RCL1: variants seen among roughly 807,000 people sequenced by gnomAD.
RCL1 encodes the protein RNA terminal phosphate cyclase like 1.
Under a neutral mutation model 42.4 loss-of-function variants are expected in RCL1, and 24 were observed. The observed-to-expected ratio is 0.57, with a 90% CI of 0.41 to 0.80. The LOEUF (loss-of-function observed/expected upper bound fraction) is 0.80. Among genes scored for constraint, RCL1 ranks in the 30% least tolerant of loss-of-function variants. The pLI is 0.00. For missense variants in RCL1, 578 were observed against 467.9 expected, an observed-to-expected ratio of 1.24 and a Z score of -2.17; for synonymous variants, 228 against 177.3, an observed-to-expected ratio of 1.29 and a Z score of -2.27.
At chr9:4,859,244 T>A (rs1487592330) in intron 8 of RCL1, among the ~76,000 whole-genome samples, 1 of 152,212 alleles carries the variant, frequency 6.6e-6, no homozygotes, top group Non-Finnish European at 1.5e-5. Flanking sequence ...GTCCTTGTTG[T>A]GTTTACTGTG....
chr9:4,859,455 T>C (rs1434758979), intron 8 of RCL1, among the ~76,000 whole-genome samples: 2 of 152,302 alleles, frequency 1.3e-5, no homozygotes, highest in Admixed American at 6.5e-5. Context: ...TTTTTATTTT[T>C]ATTTTTTTTC....
At chr9:4,833,960 A>G (rs456978) in intron 4 of RCL1, among the ~76,000 whole-genome samples, 181 bp from the exon 5 acceptor site, 118,935 of 152,186 alleles carry the variant, frequency 0.78, 47,953 homozygotes, top group East Asian at 1. Flanking sequence ...CACATGCTGC[A>G]CAGGTACTCT....
chr9:4,848,247 T>C (rs1817587615), intron 7 of RCL1, among the ~76,000 whole-genome samples: 1 of 152,254 alleles, frequency 6.6e-6, no homozygotes, highest in African/African-American at 2.4e-5. Flanking sequence ...GAATTTGCTA[T>C]GTGATCTAAA....
intron 1 of RCL1, among the ~76,000 whole-genome samples, chr9:4,817,912 A>ATTTTTTTTTTTT (rs66886360): frequency 1.3e-5 from 1 of 78,364 alleles, no homozygotes; most frequent in African/African-American, 5.9e-5. Flanking sequence ...CTTTTCTAAG[A>ATTTTTTTTTTTT]TTTTTTTTTT....
At chr9:4,837,938 T>C (rs1817193436) in intron 5 of RCL1, among the ~76,000 whole-genome samples, 1 of 152,202 alleles carries the variant, frequency 6.6e-6, no homozygotes, top group Non-Finnish European at 1.5e-5. Flanking sequence ...ACAGTGCCCT[T>C]TCTCAGATCC....
intron 1 of RCL1, among the ~76,000 whole-genome samples, chr9:4,797,355 A>T (rs1211401822): frequency 2.0e-5 from 3 of 152,196 alleles, no homozygotes; most frequent in Admixed American, 2.0e-4. Context: ...TCCTGCTTCT[A>T]TATGGAAATT....
Position 4,797,690 on chromosome 9 carries a change from C to T in RCL1, c.136+4463C>T, listed in dbSNP as rs147170359. Among the ~76,000 whole-genome samples, 427 of 152,292 alleles carry T rather than the reference C, an allele frequency of 2.8e-3. 3 individuals carry two copies. The highest frequency in any genetic ancestry group is 6.8e-3 in the Middle Eastern group (2 of 294). ...GGCCTACTTGACAGTAGTAATTAAA[C>T]CTTTTCTTTTCCCTGTATCCCTAAT... On this transcript the variant is annotated intron_variant, in intron 1 of 8. Transcript: ENST00000381750.
rs146006901 is a variant in RCL1 at position 4,850,774 on chromosome 9, G to C, written c.971+1224G>C. Among the ~76,000 whole-genome samples the C allele has an allele frequency of 1.1e-4, 17 of 152,224 alleles. No individual in the cohort carries two copies. The East Asian group carries it at 3.3e-3, about 29-fold the overall frequency. ...GAGGGCTGGAAGAATGGCACCCTAG[G>C]TACAGAGACTCGCTTCCTGTAGAGA... is the stretch of plus-strand genomic sequence containing the variant. On this transcript the variant is annotated intron_variant, in intron 8 of 8. Coordinates refer to ENST00000381750, the MANE Select transcript of RCL1 (RefSeq NM_005772.5).
intron 8 of RCL1, among the ~76,000 whole-genome samples, chr9:4,851,173 T>C (rs188589129): frequency 3.9e-5 from 6 of 152,246 alleles, no homozygotes; most frequent in African/African-American, 7.2e-5. Flanking sequence ...CAAACATTAA[T>C]TGTAGTGTCT....
intron 1 of RCL1, among the ~76,000 whole-genome samples, chr9:4,793,601 G>C (rs1050842619): frequency 6.6e-6 from 1 of 152,196 alleles, no homozygotes; most frequent in African/African-American, 2.4e-5. Flanking sequence ...CCGAAATATG[G>C]TGAATGAGCC....
At chr9:4,851,381 G>C (rs1387066482) in intron 8 of RCL1, among the ~76,000 whole-genome samples, 2 of 152,166 alleles carry the variant, frequency 1.3e-5, no homozygotes, top group Non-Finnish European at 2.9e-5. Context: ...CGTTCTTTTT[G>C]GTAAGCTAGC....
chr9:4,857,136 C>G (rs1405318177), intron 8 of RCL1, among the ~76,000 whole-genome samples: 1 of 152,130 alleles, frequency 6.6e-6, no homozygotes, highest in African/African-American at 2.4e-5. Context: ...ATTTTAAGTA[C>G]ACAGTTTAAA....
chr9:4,845,597 T>A (rs549201990), intron 7 of RCL1, among the ~76,000 whole-genome samples: 1 of 152,278 alleles, frequency 6.6e-6, no homozygotes, highest in Admixed American at 6.5e-5. Context: ...TAGAAGAGGG[T>A]CACAAATCTG....
chr9:4,846,901 T>TTTTTTCTTTTTTTG (rs1817535460), intron 7 of RCL1, among the ~76,000 whole-genome samples: 1 of 9,198 alleles, frequency 1.1e-4, no homozygotes, highest in Non-Finnish European at 2.3e-4. Flanking sequence ...TTTCTTTTTT[T>TTTTTTCTTTTTTTG]TTTTGAGGAA....
chr9:4,827,965 T>A (rs532314531), intron 3 of RCL1, among the ~76,000 whole-genome samples: 119 of 152,050 alleles, frequency 7.8e-4, no homozygotes, highest in African/African-American at 2.7e-3. Context: ...GGCGGGCAGA[T>A]CATGAGGTCA....
intron 5 of RCL1, among the ~76,000 whole-genome samples, chr9:4,835,682 A>T (rs531528084): frequency 6.6e-6 from 1 of 152,362 alleles, no homozygotes; most frequent in South Asian, 2.1e-4. Flanking sequence ...TTAAAAGCCC[A>T]GGTGCTGGAG....
Position 4,827,052 on chromosome 9 carries a change from C to A in RCL1, c.384+19C>A, listed in dbSNP as rs1427634217. ...CCCTTCAGTGAGTATTGAGAACAAACCGTGGTGTGGTTTTTGTTTTGTCTC... is the reference window on the plus strand; with the variant it reads ...CCCTTCAGTGAGTATTGAGAACAAAACGTGGTGTGGTTTTTGTTTTGTCTC... On this transcript the variant is annotated intron_variant, in intron 3 of 8. Transcript: ENST00000381750. 1 of 1,614,072 alleles carries A rather than the reference C, an allele frequency of 6.2e-7. No individual in the cohort carries two copies. The highest frequency in any genetic ancestry group is 1.1e-5 in the South Asian group (1 of 91,080).
chr9:4,795,082 C>T (rs187467624), intron 1 of RCL1, among the ~76,000 whole-genome samples: 19 of 142,646 alleles, frequency 1.3e-4, no homozygotes, highest in Admixed American at 1.3e-3. Flanking sequence ...TGCTTAATTT[C>T]TTTCTTTTTT....
At chr9:4,828,793 G>A (rs1183129378) in intron 3 of RCL1, among the ~76,000 whole-genome samples, 2 of 152,126 alleles carry the variant, frequency 1.3e-5, no homozygotes, top group African/African-American at 2.4e-5. Flanking sequence ...AGTGACAAAA[G>A]ATCAGTTGAT....
Sources: gnomAD v4.1 joint callset for allele counts (sites outside exome capture counted in the v4.1 genomes callset) on GRCh38, gnomAD v4.1.1 for gene constraint, MANE v1.5 for transcripts, NCBI Gene and HGNC (gene_info 2026-07-23, HGNC 2026-07-21) for gene names.